Variants in PDE7B observed in about 807,000 individuals in gnomAD.
PDE7B encodes the protein 3',5'-cyclic-AMP phosphodiesterase 7B.
In PDE7B, 29 loss-of-function variants were observed where a neutral mutation model predicts 56.2. The ratio of observed to expected loss-of-function variants is 0.52; its 90% CI spans 0.38 to 0.70. PDE7B has a LOEUF of 0.70. Ranked by LOEUF, PDE7B falls within the 30% of genes least tolerant of loss-of-function variation. PDE7B has a pLI of 0.00. For missense variants in PDE7B, 490 were observed against 565.0 expected, an observed-to-expected ratio of 0.87 and a Z score of 1.35; for synonymous variants, 197 against 196.9, an observed-to-expected ratio of 1.00 and a Z score of 0.00.
At chr6:135,890,808 T>A (rs1259452396) in intron 1 of PDE7B, among the ~76,000 whole-genome samples, 1 of 152,192 alleles carries the variant, frequency 6.6e-6, no homozygotes, top group Non-Finnish European at 1.5e-5. Flanking sequence ...ATGGTCCATA[T>A]AGGACTCTGA....
chr6:135,877,672 G>A (rs559169746), intron 1 of PDE7B, among the ~76,000 whole-genome samples: 51 of 151,046 alleles, frequency 3.4e-4, no homozygotes, highest in African/African-American at 1.2e-3. Flanking sequence ...GATTTGGTTC[G>A]CTCAGAAGCA....
At chr6:136,186,959 G>C (rs138183715) in intron 11 of PDE7B, 77 bp from the exon 12 acceptor site, 1 of 801,866 alleles carries the variant, frequency 1.2e-6, no homozygotes, top group South Asian at 1.4e-5. Flanking sequence ...TTCCGACGAG[G>C]TCATTAAAAT....
At chr6:136,044,915 T>G (rs1776475410) in intron 2 of PDE7B, 1 of 148,572 alleles carries the variant, frequency 6.7e-6, no homozygotes, top group South Asian at 2.1e-4. Flanking sequence ...GCAAACAGTT[T>G]CTTTTTTCTT....
In PDE7B at chr6:136,155,648, C is replaced by G. The variant is rs2128447808; in HGVS notation, c.601C>G (p.Leu201Val). 1 of 1,613,514 alleles carries G rather than the reference C, an allele frequency of 6.2e-7. No homozygotes were observed. Among genetic ancestry groups the G allele is most frequent in the Middle Eastern group, 1.7e-4 (1 of 6,056 alleles). Reference protein sequence around the residue: ...EPKLASFLTPLDIMLGLLAAA... With the variant: ...EPKLASFLTPVDIMLGLLAAA... The stretch of plus-strand genomic sequence containing the variant: ...ACAGCTTGCCAGCTTCCTCACGCCT[C>G]TGGACATCATGCTTGGACTGCTGGC... Residue 201 changes from leucine to valine, a missense_variant, in exon 8 of 13, where the codon CTG (leucine) becomes GTG (valine). Transcript: ENST00000308191.
intron 3 of PDE7B, among the ~76,000 whole-genome samples, chr6:136,120,077 C>A (rs114237446): frequency 2.7e-3 from 409 of 152,170 alleles, no homozygotes; most frequent in African/African-American, 9.1e-3. Flanking sequence ...AGTAAGCGTG[C>A]TTAGAGTGCT....
intron 1 of PDE7B, among the ~76,000 whole-genome samples, chr6:135,855,268 A>G (rs1394657345): frequency 1.3e-5 from 2 of 152,240 alleles, no homozygotes; most frequent in African/African-American, 4.8e-5. Flanking sequence ...TCCAAAAATC[A>G]TTACTACATG....
In PDE7B at chr6:136,191,940, G is replaced by C; in HGVS notation, c.*100G>C. 1 of 876,386 alleles carries C rather than the reference G, an allele frequency of 1.1e-6. No individual in the cohort carries two copies. The highest frequency in any genetic ancestry group is 1.8e-6 in the Non-Finnish European group (1 of 568,068). 54.3% of individuals were successfully genotyped at this position (876,386 alleles called of 1,614,324 possible). On this transcript the variant is annotated 3_prime_UTR_variant, in exon 13 of 13. Transcript: ENST00000308191. The stretch of plus-strand genomic sequence containing the variant: ...ACGCAGCAGCCCAGCCACTTTCTGA[G>C]TGTTGTCCTGGGGCTCTTTGGAACG...
intron 2 of PDE7B, among the ~76,000 whole-genome samples, chr6:136,035,600 A>G (rs1444490355): frequency 6.6e-6 from 1 of 152,178 alleles, no homozygotes; most frequent in Non-Finnish European, 1.5e-5. Flanking sequence ...CTTTTTTTAA[A>G]TTGTGCAAAT....
intron 1 of PDE7B, among the ~76,000 whole-genome samples, chr6:135,907,743 C>T (rs930597350): frequency 2.0e-5 from 3 of 152,036 alleles, no homozygotes; most frequent in Non-Finnish European, 4.4e-5. Context: ...ATGTAATACT[C>T]TTATAGATAA....
intron 1 of PDE7B, among the ~76,000 whole-genome samples, chr6:135,914,380 A>G (rs1776260619): frequency 6.6e-6 from 1 of 150,420 alleles, no homozygotes; most frequent in Non-Finnish European, 1.5e-5. Flanking sequence ...CCCACTTCCC[A>G]GCACTGACGT....
chr6:136,098,695 T>A (rs1488908432), intron 2 of PDE7B, among the ~76,000 whole-genome samples: 1 of 152,158 alleles, frequency 6.6e-6, no homozygotes. Context: ...CTTATGTGAC[T>A]GTCTTCTGGA....
At chr6:135,878,571 T>C (rs1435779848) in intron 1 of PDE7B, among the ~76,000 whole-genome samples, 3 of 152,232 alleles carry the variant, frequency 2.0e-5, no homozygotes, top group Admixed American at 6.5e-5. Flanking sequence ...ACCTATTCTT[T>C]CATACGTATG....
intron 2 of PDE7B, among the ~76,000 whole-genome samples, chr6:136,104,088 C>T (rs530061662): frequency 6.6e-6 from 1 of 152,282 alleles, no homozygotes; most frequent in East Asian, 1.9e-4. Flanking sequence ...CAGGTCAGGT[C>T]GTGGCTCCTG....
At chr6:136,021,521 G>A (rs1220847211) in intron 2 of PDE7B, among the ~76,000 whole-genome samples, 1 of 152,118 alleles carries the variant, frequency 6.6e-6, no homozygotes, top group East Asian at 1.9e-4. Context: ...GTGCATGCCT[G>A]TAATCCCAGC....
chr6:136,079,867 G>A (rs538727588), intron 2 of PDE7B, among the ~76,000 whole-genome samples: 1 of 152,100 alleles, frequency 6.6e-6, no homozygotes, highest in South Asian at 2.1e-4. Context: ...TGCTCACTGA[G>A]AATGAGTGTG....
chr6:135,975,227 TA>T (rs1464338327), intron 2 of PDE7B, among the ~76,000 whole-genome samples: 1 of 150,448 alleles, frequency 6.6e-6, no homozygotes, highest in Non-Finnish European at 1.5e-5. Context: ...TGTTGGCAAC[TA>T]ATACAGATTT....
chr6:136,115,617 C>T (rs1431715303), intron 3 of PDE7B, among the ~76,000 whole-genome samples: 2 of 152,206 alleles, frequency 1.3e-5, no homozygotes, highest in African/African-American at 4.8e-5. Context: ...TTCTGTTAAC[C>T]TGTCTGACAT....
intron 3 of PDE7B, among the ~76,000 whole-genome samples, chr6:136,120,906 C>T (rs529071097): frequency 6.6e-6 from 1 of 152,274 alleles, no homozygotes; most frequent in East Asian, 1.9e-4. Flanking sequence ...CTAGTATAGA[C>T]AAGCCTACCA....
intron 1 of PDE7B, among the ~76,000 whole-genome samples, chr6:135,942,661 C>T (rs1352633261): frequency 1.3e-5 from 2 of 152,092 alleles, no homozygotes; most frequent in Non-Finnish European, 2.9e-5. Flanking sequence ...CTCACAACAT[C>T]CCAAGCTCCT....
Sources: allele counts gnomAD v4.1 joint callset (sites outside exome capture counted in the v4.1 genomes callset), GRCh38; gene constraint gnomAD v4.1.1; transcripts MANE v1.5; gene names NCBI Gene and HGNC (gene_info 2026-07-23, HGNC 2026-07-21).